The following DOCK1 variants were observed in gnomAD, a reference collection of about 807,000 sequenced individuals.
The protein encoded by DOCK1 is dedicator of cytokinesis 1, also known as dedicator of cytokinesis protein 1.
A neutral mutation model predicts 262.7 loss-of-function variants in DOCK1; 138 were observed. That is an observed-to-expected ratio of 0.53 (90% CI 0.46 to 0.61). DOCK1 has a LOEUF of 0.61. DOCK1 is among the 20% of genes least tolerant of loss of function. The probability of loss-of-function intolerance (pLI) is 0.00; values close to 1 mark genes in which losing one functional copy is unlikely to be tolerated. For missense variants in DOCK1, 1,908 were observed against 2,370.7 expected (o/e 0.80, Z 4.05); for synonymous variants, 866 against 867.4 (o/e 1.00, Z 0.03).
At chr10:127,240,244 G>C (rs553976671) in intron 27 of DOCK1, among the ~76,000 whole-genome samples, 1 of 139,616 alleles carries the variant, frequency 7.2e-6, no homozygotes, top group Non-Finnish European at 1.5e-5. Flanking sequence ...ATTAGTGTAA[G>C]TTATTTTCTG....
At chr10:127,362,581 G>A (rs73386510) in intron 33 of DOCK1, among the ~76,000 whole-genome samples, 37,908 of 152,104 alleles carry the variant, frequency 0.25, 4,756 homozygotes, top group African/African-American at 0.29. Flanking sequence ...TTGCAGAATT[G>A]TGGTATTTTG....
intron 27 of DOCK1, among the ~76,000 whole-genome samples, chr10:127,205,237 G>T (rs2057660487): frequency 6.6e-6 from 1 of 152,074 alleles, no homozygotes; most frequent in Non-Finnish European, 1.5e-5. Flanking sequence ...TTCACCTTCA[G>T]ATTCATACGT....
chr10:127,012,325 T>C lies in DOCK1; in HGVS notation c.1152T>C (p.Thr384=). 6.2e-7 allele frequency: 1 copy of C among 1,614,076 alleles called. No individual in the cohort carries two copies. The highest frequency in any genetic ancestry group is 8.5e-7 in the Non-Finnish European group (1 of 1,179,910). The change falls in exon 12 of 52, where the codon ACT becomes ACC. Residue 384 remains threonine (T), a synonymous_variant. Transcript: ENST00000623213. The surrounding 1 kb of genome is among the most constrained non-coding windows in gnomAD (Gnocchi z 4.0). ...RVAGENDFLQ[T]VINKVIAAKE... ...CAGGGGAGAATGACTTCCTTCAGACTGTTATAAACAAAGTCATCGCTGCCA... is the reference window on the plus strand; with the variant it reads ...CAGGGGAGAATGACTTCCTTCAGACCGTTATAAACAAAGTCATCGCTGCCA...
intron 27 of DOCK1, among the ~76,000 whole-genome samples, chr10:127,154,440 G>A (rs2052831753): frequency 6.6e-6 from 1 of 152,160 alleles, no homozygotes; most frequent in East Asian, 1.9e-4. Context: ...TATAATATTT[G>A]TGACACATGG....
At chr10:127,386,017 G>A (rs938303880) in intron 38 of DOCK1, among the ~76,000 whole-genome samples, 11 of 152,138 alleles carry the variant, frequency 7.2e-5, no homozygotes, top group African/African-American at 2.4e-4. Context: ...ATATTTCTGG[G>A]GACACAGTCC....
intron 23 of DOCK1, among the ~76,000 whole-genome samples, chr10:127,104,637 T>C (rs1013547170): frequency 2.0e-5 from 3 of 152,236 alleles, no homozygotes; most frequent in Non-Finnish European, 4.4e-5. Context: ...TGTTACCCTA[T>C]TCATTTTCCA....
chr10:127,111,441 C>G (rs1703915704), intron 25 of DOCK1, among the ~76,000 whole-genome samples: 1 of 152,132 alleles, frequency 6.6e-6, no homozygotes, highest in South Asian at 2.1e-4. Flanking sequence ...AAAAGAAAGT[C>G]AGTTCTCACC....
At chr10:127,118,292 C>T (rs182545573) in intron 25 of DOCK1, among the ~76,000 whole-genome samples, 2 of 152,222 alleles carry the variant, frequency 1.3e-5, no homozygotes, top group African/African-American at 4.8e-5. Context: ...CTGACCAATT[C>T]TTCTCACACA....
chr10:127,198,330 T>C (rs532416104), intron 27 of DOCK1, among the ~76,000 whole-genome samples: 60 of 152,350 alleles, frequency 3.9e-4, no homozygotes, highest in African/African-American at 1.4e-3. Flanking sequence ...AAATCTTACT[T>C]TATTGGCAAT....
intron 23 of DOCK1, among the ~76,000 whole-genome samples, chr10:127,101,350 G>C (rs370333161): frequency 6.6e-6 from 1 of 152,112 alleles, no homozygotes; most frequent in Non-Finnish European, 1.5e-5. Flanking sequence ...AGTGTAAGAC[G>C]TGCCTCTCCT....
In DOCK1 at chr10:127,403,099, G is replaced by C; in HGVS notation, c.3972G>C (p.Gln1324His). 1.9e-6 allele frequency: 3 copies of C among 1,612,908 alleles called. No individual in the cohort carries two copies. Among genetic ancestry groups the C allele is most frequent in the Non-Finnish European group, 2.5e-6 (3 of 1,179,502 alleles). Residue 1324 changes from glutamine to histidine, a missense_variant, in exon 39 of 52, where the codon CAG (glutamine) becomes CAC (histidine). By Grantham distance (24) the Gln-to-His change is conservative. Around this residue, in one of 9 missense-constraint regions of DOCK1, gnomAD observed 267 missense variants for 366.3 expected, o/e 0.73. Transcript: ENST00000623213. ...AIALGKELAE[Q>H]YENEMFDYEQ... ...CCTTGGGCAAGGAGCTAGCCGAGCA[G>C]TATGAGAACGAAATGTTTGATTATG...
intron 27 of DOCK1, among the ~76,000 whole-genome samples, chr10:127,130,824 T>C (rs2133142110): frequency 6.6e-6 from 1 of 152,324 alleles, no homozygotes; most frequent in East Asian, 1.9e-4. Flanking sequence ...CCATGTATGC[T>C]GTCAGTCCCT....
intron 27 of DOCK1, among the ~76,000 whole-genome samples, chr10:127,153,018 A>C (rs1294336818): frequency 6.6e-6 from 1 of 152,228 alleles, no homozygotes; most frequent in Non-Finnish European, 1.5e-5. Flanking sequence ...CTTAATGCAG[A>C]GGACAGTAAC....
At chr10:127,018,362 C>T (rs1361201425) in intron 12 of DOCK1, among the ~76,000 whole-genome samples, 1 of 152,208 alleles carries the variant, frequency 6.6e-6, no homozygotes, top group East Asian at 1.9e-4. Flanking sequence ...TCAGCCACCT[C>T]CTAGAAAAAG....
chr10:127,331,706 A>G (rs1007635727), intron 29 of DOCK1, among the ~76,000 whole-genome samples: 2 of 152,168 alleles, frequency 1.3e-5, no homozygotes, highest in African/African-American at 4.8e-5. Context: ...GAACATAAGG[A>G]CTTGAAGAGA....
intron 36 of DOCK1, 82 bp downstream of exon 36, chr10:127,380,204 T>C: frequency 8.9e-7 from 1 of 1,122,476 alleles, no homozygotes; most frequent in Non-Finnish European, 1.2e-6. Flanking sequence ...AGAAATGTGT[T>C]ATAGCCGCAA....
rs144706384 is a variant in DOCK1 at position 127,424,302 on chromosome 10, A to G, written c.4777-1572A>G. On this transcript the variant is annotated intron_variant, in intron 46 of 51. Coordinates refer to ENST00000623213, the MANE Select transcript of DOCK1 (RefSeq NM_001290223.2). The stretch of plus-strand genomic sequence containing the variant: ...ATCAGATTGCAGTTCGAGCAGCACA[A>G]GCGTCCTAAACCAAAAGGTCTTAAC... 2.2e-3 allele frequency among the ~76,000 whole-genome samples: 334 copies of G among 152,296 alleles called. 1 individual carries two copies. The highest frequency in any genetic ancestry group is 7.7e-3 in the African/African-American group (320 of 41,558).
chr10:127,388,681 GAGGAACACAGCCGGAGAGGACAGCAA>G (rs1381832086), intron 38 of DOCK1, among the ~76,000 whole-genome samples: 1 of 152,188 alleles, frequency 6.6e-6, no homozygotes, highest in Admixed American at 6.5e-5. Context: ...TTCCGCCACA[GAGGAACACAGCCGGAGAGGACAGCAA>G]AGAGTCCCCC....
At chr10:127,030,605 C>T (rs1165899061) in intron 16 of DOCK1, among the ~76,000 whole-genome samples, 10 of 152,192 alleles carry the variant, frequency 6.6e-5, no homozygotes, top group Admixed American at 6.5e-4. Flanking sequence ...CATCTGAAAG[C>T]TCATTTGTTT....
Sources: allele counts gnomAD v4.1 joint callset (sites outside exome capture counted in the v4.1 genomes callset), GRCh38; gene constraint gnomAD v4.1.1; regional missense constraint gnomAD v4.1.1; non-coding constraint Gnocchi (gnomAD v3.1); transcripts MANE v1.5; gene names NCBI Gene and HGNC (gene_info 2026-07-23, HGNC 2026-07-21).